The following GPR137C variants were observed in gnomAD, a reference collection of about 807,000 sequenced individuals.
GPR137C encodes G protein-coupled receptor 137C.
Under a neutral mutation model 43.4 loss-of-function variants are expected in GPR137C, and 27 were observed. The observed-to-expected ratio is 0.62, with a 90% CI of 0.46 to 0.86. The LOEUF is 0.86. Among genes scored for constraint, GPR137C ranks in the 40% least tolerant of loss-of-function variants. GPR137C has a pLI of 0.00. For synonymous variants in GPR137C, 285 were observed against 226.9 expected, an observed-to-expected ratio of 1.26 and a Z score of -2.30; for missense variants, 522 against 534.6, an observed-to-expected ratio of 0.98 and a Z score of 0.23.
intron 3 of GPR137C, among the ~76,000 whole-genome samples, chr14:52,615,818 CCTG>C (rs1200330725): frequency 1.3e-5 from 2 of 152,050 alleles, no homozygotes; most frequent in East Asian, 1.9e-4. Context: ...ATTTTTGTAT[CCTG>C]CTATTTTTTA....
Position 52,570,090 on chromosome 14 carries a change from A to G in GPR137C, c.444+16499A>G, listed in dbSNP as rs532449959. Among the ~76,000 whole-genome samples the G allele has an allele frequency of 2.0e-5, 3 of 152,332 alleles. No homozygotes were observed. In the South Asian group the frequency reaches 6.2e-4, roughly 32 times the overall value. On this transcript the variant is annotated intron_variant, in intron 1 of 6. Coordinates refer to ENST00000321662, the MANE Select transcript of GPR137C (RefSeq NM_001099652.2). ...GAAGGAAAAAATGTTAAGGGCAGCT[A>G]GAGAGAAAGGTCGGGTTACCCACAA...
chr14:52,585,759 CA>C (rs1270985907), intron 1 of GPR137C, among the ~76,000 whole-genome samples: 2 of 152,052 alleles, frequency 1.3e-5, no homozygotes, highest in African/African-American at 4.8e-5. Flanking sequence ...CACTTGAACC[CA>C]GGAGGCAGAG....
At chr14:52,599,906 T>C (rs1477443240) in intron 2 of GPR137C, among the ~76,000 whole-genome samples, 1 of 152,212 alleles carries the variant, frequency 6.6e-6, no homozygotes. Context: ...CTTGAAATAG[T>C]GTTAAGATAG....
At chr14:52,562,631 A>G (rs2038303531) in intron 1 of GPR137C, among the ~76,000 whole-genome samples, 1 of 152,174 alleles carries the variant, frequency 6.6e-6, no homozygotes, top group South Asian at 2.1e-4. Context: ...TTAAAGGTTC[A>G]TTTAGAAATG....
chr14:52,604,989 T>C (rs776422853), intron 3 of GPR137C, among the ~76,000 whole-genome samples: 2 of 152,334 alleles, frequency 1.3e-5, no homozygotes, highest in Non-Finnish European at 2.9e-5. Context: ...AATCAAATAT[T>C]GTGATGCCTC....
intron 1 of GPR137C, among the ~76,000 whole-genome samples, chr14:52,564,965 C>T (rs2038344301): frequency 1.3e-5 from 2 of 150,138 alleles, no homozygotes; most frequent in Non-Finnish European, 3.0e-5. Flanking sequence ...AAACAAAAGT[C>T]CCAAAATCAG....
intron 6 of GPR137C, 56 bp from the exon 7 acceptor site, chr14:52,634,882 G>A: frequency 6.9e-7 from 1 of 1,445,898 alleles, no homozygotes; most frequent in Non-Finnish European, 9.4e-7. Context: ...ATTCAAATGT[G>A]ACTTCTTATA....
chr14:52,554,040 A>G (rs1292279572), intron 1 of GPR137C, among the ~76,000 whole-genome samples: 1 of 152,210 alleles, frequency 6.6e-6, no homozygotes, highest in Non-Finnish European at 1.5e-5. Flanking sequence ...GTCACCAGGC[A>G]GAGCTGTTCC....
chr14:52,577,056 G>GGTGCACGT (rs59291339), intron 1 of GPR137C, among the ~76,000 whole-genome samples: 1 of 151,110 alleles, frequency 6.6e-6, no homozygotes, highest in Non-Finnish European at 1.5e-5. Flanking sequence ...CAGGCGTGGT[G>GGTGCACGT]CTGTAGTCCC....
chr14:52,572,270 C>CA (rs1232124514), intron 1 of GPR137C, among the ~76,000 whole-genome samples: 2 of 152,152 alleles, frequency 1.3e-5, no homozygotes, highest in Non-Finnish European at 2.9e-5. Flanking sequence ...ATCCTGATAC[C>CA]AAAACCTGGC....
intron 1 of GPR137C, among the ~76,000 whole-genome samples, chr14:52,570,139 CA>C (rs2038442388): frequency 6.6e-6 from 1 of 152,172 alleles, no homozygotes; most frequent in Non-Finnish European, 1.5e-5. Flanking sequence ...AGACTAACAG[CA>C]TATCTCTCTG....
chr14:52,624,826 C>T (rs1333372727), intron 3 of GPR137C, among the ~76,000 whole-genome samples: 1 of 151,786 alleles, frequency 6.6e-6, no homozygotes, highest in African/African-American at 2.4e-5. Flanking sequence ...TTGAATACAT[C>T]AGTCAATTTG....
chr14:52,563,474 C>T (rs1379909723), intron 1 of GPR137C, among the ~76,000 whole-genome samples: 1 of 152,116 alleles, frequency 6.6e-6, no homozygotes, highest in African/African-American at 2.4e-5. Flanking sequence ...CCACCCTACA[C>T]CTATATGCAT....
At chr14:52,579,793 A>G (rs1430973449) in intron 1 of GPR137C, among the ~76,000 whole-genome samples, 2 of 152,232 alleles carry the variant, frequency 1.3e-5, no homozygotes, top group African/African-American at 2.4e-5. Flanking sequence ...GATGGTGTCT[A>G]CCACAGAAGA....
At chr14:52,585,708 G>A (rs542496536) in intron 1 of GPR137C, among the ~76,000 whole-genome samples, 4 of 152,190 alleles carry the variant, frequency 2.6e-5, no homozygotes, top group South Asian at 2.1e-4. Flanking sequence ...GGTGGCAAGC[G>A]CCTGCAGTCC....
chr14:52,565,847 G>A (rs549467427), intron 1 of GPR137C, among the ~76,000 whole-genome samples: 11 of 152,208 alleles, frequency 7.2e-5, no homozygotes, highest in African/African-American at 2.4e-4. Flanking sequence ...AAGGAATCTG[G>A]GAACCAGAAT....
At chr14:52,568,250 T>G (rs1254415541) in intron 1 of GPR137C, among the ~76,000 whole-genome samples, 3 of 152,114 alleles carry the variant, frequency 2.0e-5, no homozygotes, top group Non-Finnish European at 2.9e-5. Flanking sequence ...GGACTCTGCC[T>G]TGAAAAATGG....
At chr14:52,616,111 T>C (rs1376589744) in intron 3 of GPR137C, among the ~76,000 whole-genome samples, 1 of 152,220 alleles carries the variant, frequency 6.6e-6, no homozygotes, top group African/African-American at 2.4e-5. Flanking sequence ...TGTAATATTA[T>C]AGCAAAAGTC....
Position 52,633,514 on chromosome 14 carries a change from C to A in GPR137C, c.868-16C>A. Reference sequence around the variant, plus strand: ...ATAAACAGATGTAAAAATTCTCTGCCATGCTCTATTTACAGGCTCATGTAG... The same window carrying A: ...ATAAACAGATGTAAAAATTCTCTGCAATGCTCTATTTACAGGCTCATGTAG... On this transcript the variant is annotated splice_polypyrimidine_tract_variant and intron_variant, in intron 4 of 6. Transcript: ENST00000321662. 2 of 1,608,084 alleles carry A rather than the reference C, an allele frequency of 1.2e-6. No individual in the cohort carries two copies. The highest frequency in any genetic ancestry group is 2.2e-5 in the East Asian group (1 of 44,804).
Sources: gnomAD v4.1 joint callset for allele counts (sites outside exome capture counted in the v4.1 genomes callset) on GRCh38, gnomAD v4.1.1 for gene constraint, MANE v1.5 for transcripts, NCBI Gene and HGNC (gene_info 2026-07-23, HGNC 2026-07-21) for gene names.